The following KIF26B variants were observed in gnomAD, a reference collection of about 807,000 sequenced individuals.
KIF26B encodes the protein kinesin family member 26B, also known as kinesin-like protein KIF26B.
In KIF26B, 63 loss-of-function variants were observed where a neutral mutation model predicts 151.2. The observed-to-expected ratio is 0.42, with a 90% CI of 0.34 to 0.51. KIF26B has a LOEUF of 0.51. Ranked by LOEUF, KIF26B falls within the 20% of genes least tolerant of loss-of-function variation. The pLI is 0.07. For missense variants in KIF26B, 2,813 were observed against 2,913.6 expected (o/e 0.97, Z 0.79); for synonymous variants, 1,357 against 1,262.1 (o/e 1.08, Z -1.59).
chr1:245,156,267 G>A lies in KIF26B; in HGVS notation c.64-15G>A. On this transcript the variant is annotated splice_polypyrimidine_tract_variant and intron_variant, in intron 1 of 14. Transcript: ENST00000407071. ...CCGCCTTGCAGCCCCTGACACCGGC[G>A]TGTCTTCCCCGCAGGTGAATGAAGT... The A allele has an allele frequency of 1.9e-6, 3 of 1,544,148 alleles. No individual in the cohort carries two copies. Among genetic ancestry groups the A allele is most frequent in the Non-Finnish European group, 2.6e-6 (3 of 1,145,124 alleles).
intron 9 of KIF26B, among the ~76,000 whole-genome samples, chr1:245,617,747 A>C (rs2103159695): frequency 6.6e-6 from 1 of 152,250 alleles, no homozygotes; most frequent in East Asian, 1.9e-4. Context: ...TGGAATTCCC[A>C]TCACCGCCTC....
chr1:245,691,265 G>A (rs1350594471), intron 12 of KIF26B, among the ~76,000 whole-genome samples: 1 of 152,244 alleles, frequency 6.6e-6, no homozygotes, highest in Non-Finnish European at 1.5e-5. Flanking sequence ...CGAGCAGGCA[G>A]CAGGCTCTGC....
chr1:245,553,319 T>C (rs1029194287), intron 5 of KIF26B, among the ~76,000 whole-genome samples: 2 of 152,166 alleles, frequency 1.3e-5, no homozygotes, highest in Non-Finnish European at 2.9e-5. Context: ...AGACTGTCTC[T>C]CTATAGGCAC....
chr1:245,192,738 C>G (rs1300759750), intron 2 of KIF26B, among the ~76,000 whole-genome samples: 4 of 152,188 alleles, frequency 2.6e-5, no homozygotes. Flanking sequence ...ACTCTCATCT[C>G]TAGTATACTT....
intron 10 of KIF26B, among the ~76,000 whole-genome samples, chr1:245,678,443 C>T (rs143379493): frequency 3.4e-3 from 521 of 152,102 alleles, no homozygotes; most frequent in Non-Finnish European, 5.8e-3. Context: ...CTTAAGAGTG[C>T]GAGTGGTACC....
At chr1:245,235,929 TA>T (rs1246563609) in intron 2 of KIF26B, among the ~76,000 whole-genome samples, 1,585 of 80,742 alleles carry the variant, frequency 0.02, 34 homozygotes, top group African/African-American at 0.081. Flanking sequence ...CTGCATCACT[TA>T]TTTTTTTTTT....
intron 3 of KIF26B, among the ~76,000 whole-genome samples, chr1:245,397,457 C>A (rs1673877020): frequency 6.6e-6 from 1 of 152,074 alleles, no homozygotes; most frequent in South Asian, 2.1e-4. Context: ...CTCAGGTGAT[C>A]CACCCTCCTC....
chr1:245,317,001 C>T (rs922070338), intron 2 of KIF26B, among the ~76,000 whole-genome samples: 5 of 152,180 alleles, frequency 3.3e-5, no homozygotes, highest in Non-Finnish European at 4.4e-5. Flanking sequence ...ATCTGTTACA[C>T]GGTGGTGATA....
At chr1:245,400,974 C>T (rs1265634991) in intron 3 of KIF26B, among the ~76,000 whole-genome samples, 1 of 152,010 alleles carries the variant, frequency 6.6e-6, no homozygotes, top group Non-Finnish European at 1.5e-5. Context: ...GCTGAATAGC[C>T]AATGATCCCA....
At chr1:245,496,283 A>G (rs997281501) in intron 4 of KIF26B, among the ~76,000 whole-genome samples, 8 of 152,236 alleles carry the variant, frequency 5.3e-5, no homozygotes, top group Admixed American at 5.2e-4. Context: ...GATGAGGGGC[A>G]TATGGGCCAT....
At chr1:245,631,426 T>C (rs1246218414) in intron 9 of KIF26B, among the ~76,000 whole-genome samples, 2 of 152,216 alleles carry the variant, frequency 1.3e-5, no homozygotes, top group African/African-American at 4.8e-5. Context: ...ATGTGCACGT[T>C]TATTGATTTG....
At chr1:245,662,111 T>C (rs560392848) in intron 10 of KIF26B, among the ~76,000 whole-genome samples, 2 of 150,902 alleles carry the variant, frequency 1.3e-5, no homozygotes, top group East Asian at 3.9e-4. Context: ...ACTCAATATA[T>C]ATATATACCC....
intron 4 of KIF26B, among the ~76,000 whole-genome samples, chr1:245,423,944 T>A (rs531030305): frequency 6.6e-6 from 1 of 151,274 alleles, no homozygotes; most frequent in Non-Finnish European, 1.5e-5. Context: ...GCTCAAGCGA[T>A]CCTCCCACTT....
intron 2 of KIF26B, among the ~76,000 whole-genome samples, chr1:245,190,634 G>GTTTTTTTTTTTTTTTTTTTTTTTTTT (rs149338802): frequency 1.9e-5 from 2 of 106,856 alleles, no homozygotes; most frequent in Non-Finnish European, 2.2e-5. Flanking sequence ...TGAATGTTTT[G>GTTTTTTTTTTTTTTTTTTTTTTTTTT]TTTTGTTTTT....
chr1:245,532,626 G>A (rs990767561), intron 4 of KIF26B, among the ~76,000 whole-genome samples: 2 of 152,118 alleles, frequency 1.3e-5, no homozygotes, highest in African/African-American at 4.8e-5. Context: ...TGATAACAGT[G>A]CCTGGCTGTA....
At chr1:245,584,601 T>C (rs1040113666) in intron 5 of KIF26B, among the ~76,000 whole-genome samples, 4 of 152,144 alleles carry the variant, frequency 2.6e-5, no homozygotes, top group Non-Finnish European at 5.9e-5. Flanking sequence ...TCCTAATGAG[T>C]ATCATTTTGG....
chr1:245,637,456 C>T (rs2043847965), intron 9 of KIF26B, among the ~76,000 whole-genome samples: 1 of 151,858 alleles, frequency 6.6e-6, no homozygotes, highest in Non-Finnish European at 1.5e-5. Context: ...TCTCCCATTC[C>T]ATATGTAGGT....
chr1:245,531,041 AGTTGTTATAAT>A (rs1661346880), intron 4 of KIF26B, among the ~76,000 whole-genome samples: 1 of 152,114 alleles, frequency 6.6e-6, no homozygotes. Flanking sequence ...TGGTGGTAGT[AGTTGTTATAAT>A]TTCCCTTTTA....
chr1:245,240,306 G>A (rs1670192097), intron 2 of KIF26B, among the ~76,000 whole-genome samples: 1 of 152,178 alleles, frequency 6.6e-6, no homozygotes, highest in South Asian at 2.1e-4. Flanking sequence ...TTAGGGGAGG[G>A]GAAGGCAGGG....
Sources: gnomAD v4.1 joint callset for allele counts (sites outside exome capture counted in the v4.1 genomes callset) on GRCh38, gnomAD v4.1.1 for gene constraint, MANE v1.5 for transcripts, NCBI Gene and HGNC (gene_info 2026-07-23, HGNC 2026-07-21) for gene names.